The following IQCK variants were observed in gnomAD, a reference collection of about 807,000 sequenced individuals.
IQCK encodes the protein IQ motif containing K.
IQCK carries 29 observed loss-of-function variants against 28.1 expected under a neutral mutation model. That is an observed-to-expected ratio of 1.03 (90% CI 0.77 to 1.41). IQCK has a LOEUF of 1.41. IQCK is among the 40% of genes most tolerant of loss of function. The pLI, the probability that IQCK is intolerant of heterozygous loss-of-function variation, is 0.00. For missense variants in IQCK, 359 were observed against 314.7 expected (o/e 1.14, Z -1.07); for synonymous variants, 113 against 115.1 (o/e 0.98, Z 0.12).
intron 4 of IQCK, among the ~76,000 whole-genome samples, chr16:19,751,298 G>A (rs1469626412): frequency 6.6e-6 from 1 of 151,896 alleles, no homozygotes; most frequent in Non-Finnish European, 1.5e-5. Flanking sequence ...TTGGAGACCA[G>A]CCTGGGCAAC....
At chr16:19,719,009 T>G (rs982077229) in intron 1 of IQCK, among the ~76,000 whole-genome samples, 1 of 152,234 alleles carries the variant, frequency 6.6e-6, no homozygotes, top group Non-Finnish European at 1.5e-5. Context: ...CAAACCTTCC[T>G]TAACCTCCCC....
At chr16:19,774,297 C>T (rs34248870) in intron 6 of IQCK, among the ~76,000 whole-genome samples, 51,008 of 151,656 alleles carry the variant, frequency 0.34, 9,080 homozygotes, top group Non-Finnish European at 0.4. Flanking sequence ...AAGTTCCCCC[C>T]GTAAGAGGAA....
In IQCK at chr16:19,838,983, C is replaced by A. The variant is rs775500262; in HGVS notation, c.802+11846C>A. ...GCAGTGAGGCAAGATCACGCCACTG[C>A]ACTCCAGCCTGGGCCACAGAGTGAG... is the stretch of plus-strand genomic sequence containing the variant. On this transcript the variant is annotated intron_variant, in intron 9 of 9. Coordinates refer to the IQCK transcript ENST00000320394. Among the ~76,000 whole-genome samples, 3 of 133,030 alleles carry A rather than the reference C, an allele frequency of 2.3e-5. No individual in the cohort carries two copies. In the East Asian group the frequency reaches 6.8e-4, roughly 30 times the overall value. 87.3% of individuals were successfully genotyped at this position (133,030 alleles called of 152,430 possible).
intron 6 of IQCK, among the ~76,000 whole-genome samples, chr16:19,765,689 T>C (rs778070605): frequency 6.6e-6 from 1 of 152,184 alleles, no homozygotes; most frequent in Non-Finnish European, 1.5e-5. Flanking sequence ...TTTTTTTAAA[T>C]CTAAGATTAC....
intron 4 of IQCK, chr16:19,735,795 G>A: frequency 2.9e-6 from 1 of 339,350 alleles, no homozygotes; most frequent in Non-Finnish European, 5.6e-6. Flanking sequence ...GGGCACGGTG[G>A]CCCATGCCTA....
At chr16:19,830,814 C>T (rs983787311), downstream of IQCK, among the ~76,000 whole-genome samples, 8 of 152,096 alleles carry the variant, frequency 5.3e-5, no homozygotes, top group African/African-American at 1.4e-4. Context: ...GTGTCTATCT[C>T]GTACAAGTGT....
At chr16:19,767,197 T>G (rs2151714376) in intron 6 of IQCK, among the ~76,000 whole-genome samples, 1 of 152,282 alleles carries the variant, frequency 6.6e-6, no homozygotes, top group South Asian at 2.1e-4. Flanking sequence ...GAAGCCCCAG[T>G]GGGCATATGT....
intron 9 of IQCK, among the ~76,000 whole-genome samples, chr16:19,853,818 G>T (rs575676496): frequency 6.6e-6 from 1 of 152,162 alleles, no homozygotes; most frequent in Non-Finnish European, 1.5e-5. Flanking sequence ...TTAGTAGACA[G>T]GGTTTCACCA....
At chr16:19,830,414 G>A (rs2056215727), downstream of IQCK, among the ~76,000 whole-genome samples, 1 of 152,166 alleles carries the variant, frequency 6.6e-6, no homozygotes, top group Non-Finnish European at 1.5e-5. Context: ...GGGGCTGGAG[G>A]GGCTGGTGGA....
chr16:19,840,128 GGT>G (rs1360397989), intron 9 of IQCK, among the ~76,000 whole-genome samples: 1 of 152,156 alleles, frequency 6.6e-6, no homozygotes, highest in Non-Finnish European at 1.5e-5. Context: ...GGCCAAGGCT[GGT>G]GGATCACCTG....
intron 1 of IQCK, among the ~76,000 whole-genome samples, chr16:19,726,793 A>G (rs1458530846): frequency 6.6e-6 from 1 of 152,230 alleles, no homozygotes; most frequent in African/African-American, 2.4e-5. Context: ...ATGGTGAGAC[A>G]ACAGATCCAG....
chr16:19,823,686 C>T (rs966188496), intron 7 of IQCK, among the ~76,000 whole-genome samples: 2 of 152,300 alleles, frequency 1.3e-5, no homozygotes, highest in African/African-American at 2.4e-5. Context: ...CCTGTAATAC[C>T]AGCACTTTGG....
chr16:19,831,830 C>T (rs1000691173), downstream of IQCK, among the ~76,000 whole-genome samples: 1 of 152,046 alleles, frequency 6.6e-6, no homozygotes. Flanking sequence ...AGAGTCACAT[C>T]AGCTGTCGGG....
rs1362099029 is a variant in IQCK at position 19,825,882 on chromosome 16, C to T, written c.691-1144C>T. On this transcript the variant is annotated intron_variant, in intron 7 of 7. Transcript: ENST00000564186. The surrounding 1 kb of genome is among the most constrained non-coding windows in gnomAD (Gnocchi z 4.2). ...TGCATTAACTGTGGTGAACCTAGAA[C>T]TGTGCTGTTCTATATAGTAGCCACC... Among the ~76,000 whole-genome samples, 1 of 152,218 alleles carries T rather than the reference C, an allele frequency of 6.6e-6. No individual in the cohort carries two copies. The highest frequency in any genetic ancestry group is 1.9e-4 in the East Asian group (1 of 5,206).
At chr16:19,852,319 C>T (rs575540333) in intron 9 of IQCK, among the ~76,000 whole-genome samples, 50 of 152,182 alleles carry the variant, frequency 3.3e-4, no homozygotes, top group Non-Finnish European at 2.5e-4. Context: ...TCGCTTGAGC[C>T]TCCACAAGCC....
chr16:19,842,412 G>T (rs1193877995), intron 9 of IQCK, among the ~76,000 whole-genome samples: 1 of 152,144 alleles, frequency 6.6e-6, no homozygotes, highest in Non-Finnish European at 1.5e-5. Flanking sequence ...TATAAATTTG[G>T]TTCCCATGGT....
At chr16:19,784,619 T>G (rs527744983) in intron 6 of IQCK, among the ~76,000 whole-genome samples, 3 of 152,322 alleles carry the variant, frequency 2.0e-5, no homozygotes, top group African/African-American at 7.2e-5. Flanking sequence ...GACCAGTGTC[T>G]ACTCTTGTGG....
At chr16:19,835,770 A>T (rs11644668) in intron 9 of IQCK, among the ~76,000 whole-genome samples, 15,766 of 151,888 alleles carry the variant, frequency 0.1, 915 homozygotes, top group Non-Finnish European at 0.13. Flanking sequence ...TTTTTAGTAG[A>T]GACGGGGTTT....
chr16:19,858,201 GCT>G (rs1203721896), exon 10 of IQCK: 1 of 312,286 alleles, frequency 3.2e-6, no homozygotes, highest in African/African-American at 2.1e-5. Context: ...AAAAAGAACA[GCT>G]CTCTCCCTTC....
Sources: allele counts gnomAD v4.1 joint callset (sites outside exome capture counted in the v4.1 genomes callset), GRCh38; gene constraint gnomAD v4.1.1; non-coding constraint Gnocchi (gnomAD v3.1); transcripts MANE v1.5; gene names NCBI Gene and HGNC (gene_info 2026-07-23, HGNC 2026-07-21).